ILRUN: variants seen among roughly 807,000 people sequenced by gnomAD.
ILRUN encodes the protein inflammation and lipid regulator with UBA-like and NBR1-like domains.
A neutral mutation model predicts 33.8 loss-of-function variants in ILRUN; 3 were observed. The observed-to-expected ratio is 0.09, with a 90% confidence interval of 0.04 to 0.23. The LOEUF is 0.23. Ranked by LOEUF, ILRUN falls within the 10% of genes least tolerant of loss-of-function variation. The pLI is 1.00. For missense variants in ILRUN, 210 were observed against 375.1 expected (o/e 0.56, Z 3.64); for synonymous variants, 124 against 138.9 (o/e 0.89, Z 0.75).
At position 34,611,744 on chromosome 6, in the gene ILRUN, C is replaced by T. The variant is rs371620151; in HGVS notation, c.512-4840G>A. Among the ~76,000 whole-genome samples the T allele has an allele frequency of 7.2e-5, 11 of 152,078 alleles. No homozygotes were observed. The East Asian group carries it at 9.6e-4, about 13-fold the overall frequency. ...AAGAGATCATCCAATGAAACTGCTTCGTTTTCTAGATTTAAAAAATCTGAA... is the reference window on the plus strand; with the variant it reads ...AAGAGATCATCCAATGAAACTGCTTTGTTTTCTAGATTTAAAAAATCTGAA... On this transcript the variant is annotated intron_variant, in intron 3 of 4. Transcript: ENST00000374023.
chr6:34,608,804 C>T (rs1761686007), intron 3 of ILRUN, among the ~76,000 whole-genome samples: 1 of 152,144 alleles, frequency 6.6e-6, no homozygotes. Context: ...GGTCATAGTT[C>T]AGCTCTTGAT....
chr6:34,598,085 T>G (rs1761438794), intron 4 of ILRUN, among the ~76,000 whole-genome samples: 1 of 152,212 alleles, frequency 6.6e-6, no homozygotes, highest in South Asian at 2.1e-4. Context: ...AGTAAATGCT[T>G]TGAAGATAGG....
intron 3 of ILRUN, among the ~76,000 whole-genome samples, chr6:34,611,654 C>T (rs2744974): frequency 0.44 from 67,139 of 151,982 alleles, 16,811 homozygotes; most frequent in African/African-American, 0.69. Flanking sequence ...ATGCCTTGAT[C>T]ACTGAGATAA....
intron 1 of ILRUN, among the ~76,000 whole-genome samples, chr6:34,693,362 A>T (rs1054550252): frequency 1.3e-5 from 2 of 151,256 alleles, no homozygotes; most frequent in African/African-American, 2.4e-5. Flanking sequence ...GCCAGAACAC[A>T]TTTTTTTTTC....
chr6:34,685,675 T>A (rs1763500923), intron 1 of ILRUN: 1 of 152,180 alleles, frequency 6.6e-6, no homozygotes, highest in South Asian at 2.1e-4. Flanking sequence ...TAGTTTTGAA[T>A]GCCAACAGAA....
At chr6:34,626,290 G>A (rs1010819545) in intron 3 of ILRUN, among the ~76,000 whole-genome samples, 1 of 152,094 alleles carries the variant, frequency 6.6e-6, no homozygotes, top group Non-Finnish European at 1.5e-5. Context: ...TCCCACATTT[G>A]CCCGCAAAGT....
At chr6:34,654,001 CTGTG>C (rs909796190) in intron 2 of ILRUN, among the ~76,000 whole-genome samples, 1 of 148,106 alleles carries the variant, frequency 6.8e-6, no homozygotes, top group Non-Finnish European at 1.5e-5. Flanking sequence ...TGCTGGGATT[CTGTG>C]TGTGAGCTAC....
intron 3 of ILRUN, among the ~76,000 whole-genome samples, chr6:34,634,628 T>C (rs1362587634): frequency 1.3e-5 from 2 of 152,020 alleles, no homozygotes; most frequent in East Asian, 3.9e-4. Flanking sequence ...TCATCAAACA[T>C]AGATGTTAAA....
At chr6:34,684,279 T>A (rs1436429624) in intron 1 of ILRUN, among the ~76,000 whole-genome samples, 1 of 152,212 alleles carries the variant, frequency 6.6e-6, no homozygotes, top group Non-Finnish European at 1.5e-5. Context: ...CCTAAACATA[T>A]ATTAGTTTGC....
rs539081454 is a variant in ILRUN at position 34,595,324 on chromosome 6, C to T, written c.862-4724G>A. ...AAAATAACCTTTCCAAAAAGGAGTA[C>T]TAAAAAACTGTCACTGATAGAAAAC... is the stretch of plus-strand genomic sequence containing the variant. On this transcript the variant is annotated intron_variant, in intron 4 of 4. Coordinates refer to ENST00000374023, the MANE Select transcript of ILRUN (RefSeq NM_024294.4). Among the ~76,000 whole-genome samples the T allele has an allele frequency of 4.6e-5, 7 of 152,294 alleles. 1 individual carries two copies. The South Asian group carries it at 1.5e-3, about 32-fold the overall frequency.
At chr6:34,653,132 C>CAAA (rs947213125) in intron 2 of ILRUN, among the ~76,000 whole-genome samples, 239 of 51,538 alleles carry the variant, frequency 4.6e-3, no homozygotes, top group South Asian at 0.021. Context: ...GACCTTGTCT[C>CAAA]AAAAAAAAAA....
chr6:34,695,146 A>G (rs544034670), intron 1 of ILRUN, among the ~76,000 whole-genome samples: 1 of 152,112 alleles, frequency 6.6e-6, no homozygotes, highest in East Asian at 1.9e-4. Context: ...GGGTAGAACT[A>G]GGTAGGAGTG....
At position 34,639,248 on chromosome 6, in the gene ILRUN, C is replaced by T. The variant is rs183041761; in HGVS notation, c.511+7353G>A. On this transcript the variant is annotated intron_variant, in intron 3 of 4. Coordinates refer to ENST00000374023, the MANE Select transcript of ILRUN (RefSeq NM_024294.4). ...ATGAATAATGCATAGGTTATTTACT[C>T]GATATGTCAAATGTCCCTAGGGACC... Among the ~76,000 whole-genome samples the T allele has an allele frequency of 1.1e-4, 17 of 152,250 alleles. No individual in the cohort carries two copies. The East Asian group carries it at 1.2e-3, about 10-fold the overall frequency.
chr6:34,642,379 C>G (rs576840823), intron 3 of ILRUN, among the ~76,000 whole-genome samples: 1 of 152,308 alleles, frequency 6.6e-6, no homozygotes, highest in South Asian at 2.1e-4. Context: ...GTTGAGCAAA[C>G]TTTCCAATCA....
At chr6:34,617,033 T>C (rs1200248190) in intron 3 of ILRUN, 2 of 532,532 alleles carry the variant, frequency 3.8e-6, no homozygotes, top group African/African-American at 3.8e-5. Context: ...AGACAACACT[T>C]TGATTGCTCG....
chr6:34,687,947 A>T (rs1323939795), intron 1 of ILRUN, among the ~76,000 whole-genome samples: 1 of 152,032 alleles, frequency 6.6e-6, no homozygotes, highest in Non-Finnish European at 1.5e-5. Context: ...GGAACTAAAA[A>T]AAGGTACTCA....
chr6:34,664,628 C>A (rs1762958166), intron 1 of ILRUN, among the ~76,000 whole-genome samples: 2 of 152,186 alleles, frequency 1.3e-5, no homozygotes, highest in Admixed American at 6.5e-5. Context: ...GGGAAACAAT[C>A]ACTAGGTTCA....
At chr6:34,627,704 CTT>C (rs71000075) in intron 3 of ILRUN, among the ~76,000 whole-genome samples, 33 of 134,832 alleles carry the variant, frequency 2.4e-4, no homozygotes, top group African/African-American at 4.2e-4. Flanking sequence ...GTCTTTGGCC[CTT>C]TTTTTTTTTT....
intron 2 of ILRUN, among the ~76,000 whole-genome samples, chr6:34,653,146 AAAAAAG>A (rs1461374099): frequency 7.2e-6 from 1 of 138,568 alleles, no homozygotes; most frequent in Non-Finnish European, 1.6e-5. Flanking sequence ...AAAAAAAAAA[AAAAAAG>A]AAAAAGAAAG....
Sources: allele counts gnomAD v4.1 joint callset (sites outside exome capture counted in the v4.1 genomes callset), GRCh38; gene constraint gnomAD v4.1.1; transcripts MANE v1.5; gene names NCBI Gene and HGNC (gene_info 2026-07-23, HGNC 2026-07-21).